PLAAT4: variants seen among roughly 807,000 people sequenced by gnomAD.
PLAAT4 encodes the protein phospholipase A and acyltransferase 4.
A neutral mutation model predicts 14.1 loss-of-function variants in PLAAT4; 12 were observed. That is an observed-to-expected ratio of 0.85 (90% confidence interval 0.54 to 1.37). The LOEUF (loss-of-function observed/expected upper bound fraction) is 1.37, where lower values mean the gene tolerates loss of function less well. Among genes scored for constraint, PLAAT4 ranks in the 40% most tolerant of loss-of-function variants. PLAAT4 has a pLI of 0.00. For missense variants in PLAAT4, 163 were observed against 211.7 expected, an observed-to-expected ratio of 0.77 and a Z score of 1.43; for synonymous variants, 77 against 79.8, an observed-to-expected ratio of 0.96 and a Z score of 0.19.
chr11:63,546,410 C>T lies in PLAAT4; in HGVS notation c.*154C>T, dbSNP rs923422712. ...CCTCTCTCGCTGGCAAAAGTATGAT[C>T]TAATTGAAACAAGACTGAAGGATCA... is the stretch of plus-strand genomic sequence containing the variant. On this transcript the variant is annotated 3_prime_UTR_variant, in exon 4 of 4. Coordinates refer to ENST00000255688, the MANE Select transcript of PLAAT4 (RefSeq NM_004585.5). 3.0e-6 allele frequency: 2 copies of T among 657,618 alleles called. No homozygotes were observed. Among genetic ancestry groups the T allele is most frequent in the East Asian group, 5.4e-5 (2 of 37,222 alleles). The allele number at this position is 657,618 out of a possible 1,614,324, so 40.7% of individuals were successfully genotyped here.
At chr11:63,539,875 C>CT (rs2017307702) in intron 2 of PLAAT4, among the ~76,000 whole-genome samples, 1 of 152,200 alleles carries the variant, frequency 6.6e-6, no homozygotes, top group Non-Finnish European at 1.5e-5. Context: ...GCAGGAGAAT[C>CT]ACTTGATCCC....
chr11:63,542,867 T>C (rs2017332491), intron 2 of PLAAT4, among the ~76,000 whole-genome samples: 1 of 152,222 alleles, frequency 6.6e-6, no homozygotes, highest in Non-Finnish European at 1.5e-5. Context: ...TAAGCTTGTG[T>C]TATCCTGATT....
In PLAAT4 at chr11:63,544,724, T is replaced by C. The variant is rs1160247760; in HGVS notation, c.222T>C (p.Tyr74=). The C allele has an allele frequency of 3.7e-6, 6 of 1,614,050 alleles. No individual in the cohort carries two copies. The African/African-American group carries it at 6.7e-5, about 18-fold the overall frequency. The change falls in exon 3 of 4, where the codon TAT becomes TAC. Residue 74 remains tyrosine (Y), a synonymous_variant. Transcript: ENST00000255688. ...AAGATGTGGTGGGAGGCTGTTGCTA[T>C]CGGGTCAACAACAGCTTGGACCATG... ...RLEDVVGGCC[Y]RVNNSLDHEY...
chr11:63,538,714 G>A (rs1035132304), intron 1 of PLAAT4, among the ~76,000 whole-genome samples: 2 of 152,170 alleles, frequency 1.3e-5, no homozygotes, highest in African/African-American at 4.8e-5. Flanking sequence ...AGGAACCAGG[G>A]TGAGGGGTGT....
Position 63,536,867 on chromosome 11 carries a change from A to G in PLAAT4, c.-2A>G. On this transcript the variant is annotated 5_prime_UTR_variant, in exon 1 of 4. Coordinates refer to ENST00000255688, the MANE Select transcript of PLAAT4 (RefSeq NM_004585.5). Reference sequence around the variant, plus strand: ...AGCACCAGACCTCCTCTTGGCTTCGAGATGGCTTCGGTAAGTTTCCCAGGG... The same window carrying G: ...AGCACCAGACCTCCTCTTGGCTTCGGGATGGCTTCGGTAAGTTTCCCAGGG... The G allele has an allele frequency of 6.2e-7, 1 of 1,612,700 alleles. No individual in the cohort carries two copies. The highest frequency in any genetic ancestry group is 1.1e-5 in the South Asian group (1 of 90,926).
Position 63,546,284 on chromosome 11 carries a change from C to A in PLAAT4, c.*28C>A, listed in dbSNP as rs1355534715. 6.2e-7 allele frequency: 1 copy of A among 1,604,468 alleles called. No individual in the cohort carries two copies. Among genetic ancestry groups the A allele is most frequent in the Non-Finnish European group, 8.5e-7 (1 of 1,171,386 alleles). On this transcript the variant is annotated 3_prime_UTR_variant, in exon 4 of 4. Transcript: ENST00000255688. ...CAGCCACAAAATCCTGTGTTAGAAG[C>A]AGCTGTGGGGGTCCCAGTGGAGATG...
rs749546176 is a variant in PLAAT4 at position 63,546,295 on chromosome 11, G to A, written c.*39G>A. 6.3e-7 allele frequency: 1 copy of A among 1,592,496 alleles called. No homozygotes were observed. Among genetic ancestry groups the A allele is most frequent in the Middle Eastern group, 1.7e-4 (1 of 6,004 alleles). ...TCCTGTGTTAGAAGCAGCTGTGGGG[G>A]TCCCAGTGGAGATGAGCCTCCCCCA... On this transcript the variant is annotated 3_prime_UTR_variant, in exon 4 of 4. Transcript: ENST00000255688.
At position 63,544,708 on chromosome 11, in the gene PLAAT4, T is replaced by C. The variant is rs770503442; in HGVS notation, c.206T>C (p.Val69Ala). Residue 69 changes from valine to alanine, a missense_variant, in exon 3 of 4, where the codon GTG becomes GCG. Physicochemically the swap from Val to Ala is moderately conservative, Grantham distance 64. Transcript: ENST00000255688. ...EVKRERLEDV[V>A]GGCCYRVNNS... Reference sequence around the variant, plus strand: ...AAACGGGAGCGCCTGGAAGATGTGGTGGGAGGCTGTTGCTATCGGGTCAAC... The same window carrying C: ...AAACGGGAGCGCCTGGAAGATGTGGCGGGAGGCTGTTGCTATCGGGTCAAC... The C allele has an allele frequency of 1.2e-6, 2 of 1,613,958 alleles. No homozygotes were observed. Among genetic ancestry groups the C allele is most frequent in the African/African-American group, 2.7e-5 (2 of 74,878 alleles).
chr11:63,540,926 A>G (rs1352975652), intron 2 of PLAAT4, among the ~76,000 whole-genome samples: 3 of 152,258 alleles, frequency 2.0e-5, no homozygotes, highest in Non-Finnish European at 2.9e-5. Flanking sequence ...CAGTGCCACT[A>G]CATAACTTCT....
At chr11:63,545,180 G>T in intron 3 of PLAAT4, 2 of 590,190 alleles carry the variant, frequency 3.4e-6, no homozygotes, top group Non-Finnish European at 6.0e-6. Context: ...AAGTTCTGGG[G>T]GTCATCAGGA....
intron 2 of PLAAT4, among the ~76,000 whole-genome samples, chr11:63,543,768 T>C (rs1565236390): frequency 1.3e-5 from 2 of 152,208 alleles, no homozygotes; most frequent in East Asian, 1.9e-4. Flanking sequence ...TGGGGCTCCA[T>C]TGGTTGACAG....
chr11:63,537,605 G>A (rs1169421877), intron 1 of PLAAT4, among the ~76,000 whole-genome samples: 5 of 152,156 alleles, frequency 3.3e-5, no homozygotes, highest in African/African-American at 1.2e-4. Flanking sequence ...GGGAGCCCAG[G>A]CCAAAGCTCA....
rs1266628361 is a variant in PLAAT4, at chr11:63,539,528, C to T, written c.22C>T (p.Pro8Ser). 6.2e-7 allele frequency: 1 copy of T among 1,613,856 alleles called. No individual in the cohort carries two copies. The highest frequency in any genetic ancestry group is 1.3e-5 in the African/African-American group (1 of 74,924). MASPHQE[P>S]KPGDLIEIFR... ...TTTTCTGTTGCAGCCACACCAAGAG[C>T]CCAAACCTGGAGACCTGATTGAGAT... is the stretch of plus-strand genomic sequence containing the variant. The change falls in exon 2 of 4, where the codon CCC becomes TCC. Residue 8 changes from proline (P) to serine (S), a missense_variant. Transcript: ENST00000255688.
At chr11:63,540,628 C>A (rs867842433) in intron 2 of PLAAT4, among the ~76,000 whole-genome samples, 2 of 152,070 alleles carry the variant, frequency 1.3e-5, no homozygotes, top group Admixed American at 6.6e-5. Flanking sequence ...GAGTTCAAGA[C>A]GAGCCTGGCC....
intron 2 of PLAAT4, 47 bp from the exon 3 acceptor site, chr11:63,544,574 C>G (rs1410702958): frequency 6.4e-7 from 1 of 1,570,232 alleles, no homozygotes; most frequent in Non-Finnish European, 8.7e-7. Flanking sequence ...AAGCCCTTCT[C>G]TCCCTACTTC....
chr11:63,538,059 G>T (rs1188767925), intron 1 of PLAAT4, among the ~76,000 whole-genome samples: 1 of 152,196 alleles, frequency 6.6e-6, no homozygotes, highest in Non-Finnish European at 1.5e-5. Flanking sequence ...TGAGGGAGGG[G>T]AAGAGGAAGA....
chr11:63,540,353 T>C (rs77282125), intron 2 of PLAAT4, among the ~76,000 whole-genome samples: 1,768 of 152,364 alleles, frequency 0.012, 35 homozygotes, highest in African/African-American at 0.04. Context: ...TACTTAAGAT[T>C]CCTTACTGGG....
chr11:63,542,477 C>T lies in PLAAT4; in HGVS notation c.119-2144C>T, dbSNP rs145860407. On this transcript the variant is annotated intron_variant, in intron 2 of 3. Coordinates refer to ENST00000255688, the MANE Select transcript of PLAAT4 (RefSeq NM_004585.5). Reference sequence around the variant, plus strand: ...CTCCAATGGGAAGCAGCATTTACAACGTGTCTGGCTTGGTAGGAGGAAGAT... The same window carrying T: ...CTCCAATGGGAAGCAGCATTTACAATGTGTCTGGCTTGGTAGGAGGAAGAT... 7.7e-3 allele frequency among the ~76,000 whole-genome samples: 1,179 copies of T among 152,284 alleles called. 16 individuals carry two copies. Among genetic ancestry groups the T allele is most frequent in the African/African-American group, 0.027 (1,103 of 41,546 alleles).
chr11:63,539,352 C>A (rs1311940997), intron 1 of PLAAT4, among the ~76,000 whole-genome samples, 164 bp from the exon 2 acceptor site: 1 of 152,236 alleles, frequency 6.6e-6, no homozygotes, highest in Admixed American at 6.5e-5. Context: ...AGTGCCCCCA[C>A]TGAGAAGAGC....
Sources: gnomAD v4.1 joint callset for allele counts (sites outside exome capture counted in the v4.1 genomes callset) on GRCh38, gnomAD v4.1.1 for gene constraint, MANE v1.5 for transcripts, NCBI Gene and HGNC (gene_info 2026-07-23, HGNC 2026-07-21) for gene names.